NLGN1: variants seen among roughly 807,000 people sequenced by gnomAD.
NLGN1 encodes the protein neuroligin-1.
NLGN1 carries 12 observed loss-of-function variants against 65.5 expected under a neutral mutation model. The ratio of observed to expected loss-of-function variants is 0.18; its 90% CI spans 0.12 to 0.30. NLGN1 has a LOEUF of 0.30. Among genes scored for constraint, NLGN1 ranks in the 10% least tolerant of loss-of-function variants. NLGN1 has a pLI of 1.00. For missense variants in NLGN1, 750 were observed against 1,007.1 expected (o/e 0.74, Z 3.46); for synonymous variants, 350 against 359.5 (o/e 0.97, Z 0.30).
chr3:173,512,381 G>C (rs188095846), intron 2 of NLGN1, among the ~76,000 whole-genome samples: 18 of 152,302 alleles, frequency 1.2e-4, no homozygotes, highest in African/African-American at 3.6e-4. Flanking sequence ...GTAGAGAGGG[G>C]AGCTGGAAAG....
chr3:174,063,307 A>G (rs1194084884), intron 4 of NLGN1, among the ~76,000 whole-genome samples: 1 of 152,194 alleles, frequency 6.6e-6, no homozygotes, highest in Non-Finnish European at 1.5e-5. Flanking sequence ...ATAAATAACA[A>G]CTGGCAAAGT....
intron 3 of NLGN1, among the ~76,000 whole-genome samples, chr3:173,698,899 G>A (rs915578755): frequency 4.6e-5 from 7 of 151,892 alleles, no homozygotes; most frequent in East Asian, 3.9e-4. Flanking sequence ...TCTTGTTGCC[G>A]AGGCTGGAGT....
chr3:173,442,999 T>A (rs1478601128), intron 2 of NLGN1, among the ~76,000 whole-genome samples: 1 of 151,902 alleles, frequency 6.6e-6, no homozygotes, highest in Non-Finnish European at 1.5e-5. Context: ...CCAGTTGGGG[T>A]CTATAATAGA....
chr3:173,967,299 G>A (rs909608214), intron 4 of NLGN1, among the ~76,000 whole-genome samples: 5 of 152,166 alleles, frequency 3.3e-5, no homozygotes, highest in African/African-American at 4.8e-5. Flanking sequence ...CACAGCAATC[G>A]GAATTTGTGT....
intron 4 of NLGN1, among the ~76,000 whole-genome samples, chr3:173,870,106 T>A (rs1409819425): frequency 2.0e-5 from 3 of 152,204 alleles, no homozygotes; most frequent in African/African-American, 7.2e-5. Context: ...AAAGCCTTCC[T>A]AGGTTTTAAT....
At chr3:173,399,163 T>C (rs1717190680) in intron 1 of NLGN1, among the ~76,000 whole-genome samples, 1 of 152,218 alleles carries the variant, frequency 6.6e-6, no homozygotes, top group African/African-American at 2.4e-5. Context: ...AGTGATTGAG[T>C]GATTCACAGA....
chr3:173,888,353 C>T (rs987333624), intron 4 of NLGN1, among the ~76,000 whole-genome samples: 1 of 151,986 alleles, frequency 6.6e-6, no homozygotes, highest in Non-Finnish European at 1.5e-5. Flanking sequence ...TACTTTAAAT[C>T]ATCCCTAGAT....
intron 1 of NLGN1, among the ~76,000 whole-genome samples, chr3:173,425,251 C>T (rs1715882026): frequency 6.6e-6 from 1 of 152,160 alleles, no homozygotes; most frequent in South Asian, 2.1e-4. Flanking sequence ...GATTACAATT[C>T]ACGATGAGAT....
downstream of NLGN1, among the ~76,000 whole-genome samples, chr3:174,289,058 G>A (rs996155810): frequency 4.6e-5 from 7 of 151,322 alleles, no homozygotes; most frequent in Non-Finnish European, 7.4e-5. Flanking sequence ...CAACAAAGAT[G>A]ATAAACTTCT....
intron 2 of NLGN1, among the ~76,000 whole-genome samples, chr3:173,438,761 TAAAG>T (rs1470069040): frequency 6.6e-6 from 1 of 152,146 alleles, no homozygotes; most frequent in African/African-American, 2.4e-5. Context: ...ACAGAAAAGA[TAAAG>T]ATACAGTTGC....
intron 3 of NLGN1, among the ~76,000 whole-genome samples, chr3:173,643,957 A>G (rs995721757): frequency 6.6e-5 from 10 of 152,126 alleles, no homozygotes; most frequent in Admixed American, 2.0e-4. Flanking sequence ...GCCCAAATAA[A>G]AGGCACACAT....
At chr3:173,524,442 T>G (rs1422382454) in intron 2 of NLGN1, among the ~76,000 whole-genome samples, 1 of 152,228 alleles carries the variant, frequency 6.6e-6, no homozygotes, top group Non-Finnish European at 1.5e-5. Flanking sequence ...TGAAGTCATT[T>G]ATCAAGTCTA....
chr3:173,443,583 T>G, intron 2 of NLGN1, among the ~76,000 whole-genome samples: 1 of 152,088 alleles, frequency 6.6e-6, no homozygotes, highest in East Asian at 1.9e-4. Flanking sequence ...TTTTAAAAAT[T>G]TACTTTCAGA....
At chr3:173,666,264 T>A (rs1250072028) in intron 3 of NLGN1, among the ~76,000 whole-genome samples, 1 of 152,086 alleles carries the variant, frequency 6.6e-6, no homozygotes, top group Non-Finnish European at 1.5e-5. Flanking sequence ...CCTCTGACCA[T>A]TGATGTAGAT....
At chr3:173,774,762 T>C (rs1416632015) in intron 3 of NLGN1, among the ~76,000 whole-genome samples, 2 of 152,198 alleles carry the variant, frequency 1.3e-5, no homozygotes, top group Admixed American at 1.3e-4. Context: ...TTTGCATTTT[T>C]TTCTTGAAAT....
rs115881871 is a variant in NLGN1 at position 174,280,841 on chromosome 3, G to A, written c.2010G>A (p.Arg670=). ...CAAGTCCATTTTCAGTGGATCAAAG[G>A]GACTACTCAACAGAGCTGAGTGTCA... The change falls in exon 7 of 7, where the codon AGG becomes AGA. Residue 670 remains arginine (R), a synonymous_variant. Transcript: ENST00000457714. This position sits in a 1 kb window ranked among gnomAD's most constrained non-coding sequence, Gnocchi z 4.9. 1,181 of 1,613,298 alleles carry A rather than the reference G, an allele frequency of 7.3e-4. 9 individuals carry two copies. The African/African-American group carries it at 0.014, about 19-fold the overall frequency.
chr3:173,830,609 A>G (rs1289432376), intron 4 of NLGN1, among the ~76,000 whole-genome samples: 1 of 152,198 alleles, frequency 6.6e-6, no homozygotes, highest in East Asian at 1.9e-4. Flanking sequence ...CAATCCATAC[A>G]ATAAATGAAA....
exon 6 of NLGN1, chr3:174,278,949 G>A (rs1366934316): frequency 1.3e-6 from 2 of 1,540,172 alleles, no homozygotes; most frequent in South Asian, 1.3e-5. Flanking sequence ...CTAGAATGTT[G>A]GCCACAAAAG....
intron 4 of NLGN1, among the ~76,000 whole-genome samples, chr3:173,993,765 T>A (rs1721651780): frequency 1.3e-5 from 2 of 151,848 alleles, no homozygotes; most frequent in South Asian, 4.2e-4. Context: ...ATATATATAG[T>A]GTGTGTATAT....
Sources: gnomAD v4.1 joint callset for allele counts (sites outside exome capture counted in the v4.1 genomes callset) on GRCh38, gnomAD v4.1.1 for gene constraint, Gnocchi (gnomAD v3.1) non-coding constraint, MANE v1.5 for transcripts, NCBI Gene and HGNC (gene_info 2026-07-23, HGNC 2026-07-21) for gene names.